The following ST3GAL3 variants were observed in gnomAD, a reference collection of about 807,000 sequenced individuals.
The protein encoded by ST3GAL3 is CMP-N-acetylneuraminate-beta-1,4-galactoside alpha-2,3-sialyltransferase.
ST3GAL3 carries 21 observed loss-of-function variants against 50.1 expected under a neutral mutation model. The ratio of observed to expected loss-of-function variants is 0.42; its 90% CI spans 0.30 to 0.60. The LOEUF (loss-of-function observed/expected upper bound fraction) is 0.60. ST3GAL3 is among the 20% of genes least tolerant of loss of function. ST3GAL3 has a pLI of 0.19. For missense variants in ST3GAL3, 353 were observed against 489.4 expected (o/e 0.72, Z 2.63); for synonymous variants, 183 against 190.0 (o/e 0.96, Z 0.30).
chr1:43,801,674 C>A, intron 3 of ST3GAL3: 1 of 201,118 alleles, frequency 5.0e-6, no homozygotes, highest in South Asian at 9.1e-5. Context: ...GATGAACAGG[C>A]CAGGTATGGT....
rs138919489 is a variant in ST3GAL3, at chr1:43,801,119, A to G, written c.166+8970A>G. The stretch of plus-strand genomic sequence containing the variant: ...CTGCCTATGTGGCTTTGTGAATTAT[A>G]ATTCGAAGCACGGCAATTTCTGATA... On this transcript the variant is annotated intron_variant, in intron 3 of 11. Transcript: ENST00000347631. Among the ~76,000 whole-genome samples the G allele has an allele frequency of 5.0e-3, 763 of 152,340 alleles. 4 individuals are homozygous for G. The highest frequency in any genetic ancestry group is 0.017 in the African/African-American group (690 of 41,574).
At chr1:43,830,555 G>C (rs998440485) in intron 4 of ST3GAL3, among the ~76,000 whole-genome samples, 4 of 152,188 alleles carry the variant, frequency 2.6e-5, no homozygotes, top group Non-Finnish European at 4.4e-5. Context: ...CCTGGACTTA[G>C]TGGATTTAGG....
chr1:43,842,844 A>G (rs2154201063), intron 5 of ST3GAL3: 1 of 150,918 alleles, frequency 6.6e-6, no homozygotes. Context: ...TTGCACATGG[A>G]TGTTCAGTTG....
rs147220018 is a variant in ST3GAL3 at position 43,819,816 on chromosome 1, T to C, written c.209+4883T>C. Reference sequence around the variant, plus strand: ...AGTACCCAGTATCTGTTCTTATTTTTATGTCCATGTGTATTCAGTATTTAG... The same window carrying C: ...AGTACCCAGTATCTGTTCTTATTTTCATGTCCATGTGTATTCAGTATTTAG... On this transcript the variant is annotated intron_variant, in intron 4 of 11. Coordinates refer to ENST00000347631, the MANE Select transcript of ST3GAL3 (RefSeq NM_006279.5). 2.3e-4 allele frequency among the ~76,000 whole-genome samples: 35 copies of C among 152,332 alleles called. 1 individual carries two copies. The East Asian group carries it at 5.6e-3, about 24-fold the overall frequency.
intron 9 of ST3GAL3, among the ~76,000 whole-genome samples, chr1:43,908,632 T>G (rs1571235767): frequency 6.7e-6 from 1 of 150,278 alleles, no homozygotes; most frequent in Non-Finnish European, 1.5e-5. Flanking sequence ...TGCCACTCTT[T>G]TTTTTTTTTT....
chr1:43,820,535 A>G (rs2061963491), intron 4 of ST3GAL3, among the ~76,000 whole-genome samples: 1 of 152,200 alleles, frequency 6.6e-6, no homozygotes. Flanking sequence ...AATGGGAGAA[A>G]TACTCCTAAA....
chr1:43,722,498 A>C (rs1670958265), intron 1 of ST3GAL3, among the ~76,000 whole-genome samples: 1 of 152,206 alleles, frequency 6.6e-6, no homozygotes, highest in Non-Finnish European at 1.5e-5. Flanking sequence ...ATCCTATCAC[A>C]TTGGCTGCTG....
chr1:43,860,349 C>G (rs1334857449), intron 5 of ST3GAL3, among the ~76,000 whole-genome samples: 1 of 152,230 alleles, frequency 6.6e-6, no homozygotes, highest in African/African-American at 2.4e-5. Flanking sequence ...GGAAAGATAG[C>G]TCATCCAGGA....
intron 1 of ST3GAL3, among the ~76,000 whole-genome samples, chr1:43,732,779 A>C (rs958304819): frequency 1.3e-5 from 2 of 152,022 alleles, no homozygotes; most frequent in Non-Finnish European, 2.9e-5. Flanking sequence ...GTCCTTTTTA[A>C]TATTTGTTGG....
At chr1:43,744,932 A>G (rs1428576448) in intron 2 of ST3GAL3, among the ~76,000 whole-genome samples, 2 of 152,020 alleles carry the variant, frequency 1.3e-5, no homozygotes, top group Non-Finnish European at 1.5e-5. Context: ...CAGAGGTTGC[A>G]GTGAGCCAAG....
chr1:43,745,581 GTAAGATTATAATATCA>G (rs1683281804), intron 2 of ST3GAL3, among the ~76,000 whole-genome samples: 1 of 152,166 alleles, frequency 6.6e-6, no homozygotes, highest in Non-Finnish European at 1.5e-5. Flanking sequence ...AAGTGGTTCC[GTAAGATTATAATATCA>G]TATTTTTACT....
intron 5 of ST3GAL3, among the ~76,000 whole-genome samples, chr1:43,887,841 T>C (rs2076185824): frequency 6.7e-6 from 1 of 148,740 alleles, no homozygotes; most frequent in South Asian, 2.1e-4. Flanking sequence ...CATCCACCAC[T>C]GTCCTTTCTG....
intron 1 of ST3GAL3, among the ~76,000 whole-genome samples, chr1:43,723,256 G>A (rs978840854): frequency 2.0e-5 from 3 of 151,790 alleles, no homozygotes. Flanking sequence ...TTACAGGCAC[G>A]CACCACCACA....
chr1:43,817,393 C>T (rs541097061), intron 4 of ST3GAL3, among the ~76,000 whole-genome samples: 53 of 28,856 alleles, frequency 1.8e-3, no homozygotes, highest in Non-Finnish European at 2.8e-3. Context: ...TCTTCTTCTC[C>T]TCCTTTTTCT....
At chr1:43,834,289 T>C (rs2063960803) in intron 4 of ST3GAL3, among the ~76,000 whole-genome samples, 1 of 152,208 alleles carries the variant, frequency 6.6e-6, no homozygotes. Context: ...AAAAAACACT[T>C]TACCCTGCTT....
intron 5 of ST3GAL3, 94 bp downstream of exon 5, chr1:43,838,405 A>C: frequency 8.6e-7 from 1 of 1,164,610 alleles, no homozygotes; most frequent in Non-Finnish European, 1.3e-6. Context: ...ATGTTCTCCT[A>C]TGCTCTGGAA....
At chr1:43,711,085 A>T (rs1377253386) in intron 1 of ST3GAL3, among the ~76,000 whole-genome samples, 1 of 152,266 alleles carries the variant, frequency 6.6e-6, no homozygotes. Flanking sequence ...AAAGTTGTTT[A>T]TGTGAGAGAA....
rs763780680 is a variant in ST3GAL3, at chr1:43,756,116, A to AAAAAAAG, written c.118+19738_118+19739insAAAAGAA. 3.8e-4 allele frequency among the ~76,000 whole-genome samples: 52 copies of AAAAAAAG among 136,866 alleles called. 1 individual carries two copies. Among genetic ancestry groups the AAAAAAAG allele is most frequent in the East Asian group, 8.4e-4 (4 of 4,780 alleles). The allele number at this position is 136,866 out of a possible 152,430, so 89.8% of individuals were successfully genotyped here. ...AACCAGTCTCAAAAAAAAAAAAAAA[A>AAAAAAAG]AAGAAGAAGAAGAAAAGAAAAGGAA... On this transcript the variant is annotated intron_variant, in intron 2 of 11. Transcript: ENST00000347631.
intron 5 of ST3GAL3, among the ~76,000 whole-genome samples, chr1:43,873,974 AT>A (rs1471391832): frequency 6.6e-6 from 1 of 152,102 alleles, no homozygotes; most frequent in Admixed American, 6.6e-5. Flanking sequence ...GGTGTGGGAC[AT>A]TGAGGGAGCA....
Sources: allele counts gnomAD v4.1 joint callset (sites outside exome capture counted in the v4.1 genomes callset), GRCh38; gene constraint gnomAD v4.1.1; transcripts MANE v1.5; gene names NCBI Gene and HGNC (gene_info 2026-07-23, HGNC 2026-07-21).